DEPDC5: variants seen among roughly 807,000 people sequenced by gnomAD.
DEPDC5 encodes GATOR1 complex protein DEPDC5.
DEPDC5 carries 73 observed loss-of-function variants against 217.3 expected under a neutral mutation model. The ratio of observed to expected loss-of-function variants is 0.34; its 90% confidence interval spans 0.28 to 0.41. The LOEUF is 0.41. Ranked by LOEUF, DEPDC5 falls within the 10% of genes least tolerant of loss-of-function variation. The probability of loss-of-function intolerance (pLI) is 1.00; values close to 1 mark genes in which losing one functional copy is unlikely to be tolerated. For synonymous variants in DEPDC5, 733 were observed against 756.7 expected (o/e 0.97, Z 0.51); for missense variants, 1,675 against 2,070.1 (o/e 0.81, Z 3.70).
At chr22:31,764,689 T>G (rs769275608) in intron 4 of DEPDC5, among the ~76,000 whole-genome samples, 1 of 152,190 alleles carries the variant, frequency 6.6e-6, no homozygotes, top group Non-Finnish European at 1.5e-5. Flanking sequence ...GTGCTGAGAT[T>G]ACAGGTGTTA....
At chr22:31,793,213 A>C (rs991572473) in intron 12 of DEPDC5, among the ~76,000 whole-genome samples, 2 of 152,198 alleles carry the variant, frequency 1.3e-5, no homozygotes, top group East Asian at 3.8e-4. Flanking sequence ...TTCATAACCA[A>C]GTTACATTTG....
At chr22:31,854,958 G>GT (rs200660036) in intron 31 of DEPDC5, among the ~76,000 whole-genome samples, 2,540 of 139,978 alleles carry the variant, frequency 0.018, 19 homozygotes, top group Non-Finnish European at 0.024. Flanking sequence ...AGTCTTGCTG[G>GT]TTTTTTTTTT....
At chr22:31,843,419 T>C (rs1259806933) in intron 28 of DEPDC5, among the ~76,000 whole-genome samples, 1 of 152,192 alleles carries the variant, frequency 6.6e-6, no homozygotes, top group East Asian at 1.9e-4. Context: ...ATGTTTAGCA[T>C]GATTCATGAC....
At chr22:31,863,225 G>A (rs931469589) in intron 33 of DEPDC5, among the ~76,000 whole-genome samples, 1 of 152,164 alleles carries the variant, frequency 6.6e-6, no homozygotes, top group Non-Finnish European at 1.5e-5. Flanking sequence ...GGAGTGCAGT[G>A]GTTCAATGTC....
intron 38 of DEPDC5, chr22:31,891,238 G>T (rs914205744): frequency 1.7e-6 from 1 of 575,710 alleles, no homozygotes; most frequent in Non-Finnish European, 3.3e-6. Flanking sequence ...ACAATAACGT[G>T]TTCTAGTCCT....
At chr22:31,847,937 A>G (rs2091835207) in intron 31 of DEPDC5, among the ~76,000 whole-genome samples, 1 of 152,218 alleles carries the variant, frequency 6.6e-6, no homozygotes, top group African/African-American at 2.4e-5. Context: ...TACTTCCTTG[A>G]TACAATGGGG....
chr22:31,802,695 T>C lies in DEPDC5; in HGVS notation c.947-9T>C. 6.5e-7 allele frequency: 1 copy of C among 1,536,494 alleles called. No individual in the cohort carries two copies. The highest frequency in any genetic ancestry group is 8.8e-7 in the Non-Finnish European group (1 of 1,139,302). On this transcript the variant is annotated splice_polypyrimidine_tract_variant and intron_variant, in intron 14 of 42. Transcript: ENST00000651528. Reference sequence around the variant, plus strand: ...CATCATTATTGTGGAATTTTTGTTTTATTTCTAGTGTTTGATAAGCACTAC... The same window carrying C: ...CATCATTATTGTGGAATTTTTGTTTCATTTCTAGTGTTTGATAAGCACTAC...
chr22:31,758,157 T>G (rs2082091413), intron 2 of DEPDC5, among the ~76,000 whole-genome samples: 1 of 152,206 alleles, frequency 6.6e-6, no homozygotes, highest in Non-Finnish European at 1.5e-5. Context: ...GAACATTGAA[T>G]AACTGTAACG....
At chr22:31,800,793 A>G (rs948696099) in intron 14 of DEPDC5, among the ~76,000 whole-genome samples, 1 of 152,048 alleles carries the variant, frequency 6.6e-6, no homozygotes, top group African/African-American at 2.4e-5. Context: ...CCTGGGCAAC[A>G]TGGTGAAACC....
intron 3 of DEPDC5, among the ~76,000 whole-genome samples, 199 bp from the exon 4 acceptor site, chr22:31,760,457 G>A (rs747201292): frequency 2.0e-5 from 3 of 152,180 alleles, no homozygotes; most frequent in Admixed American, 2.0e-4. Context: ...ACCTGCCTCG[G>A]CCTCCCAAAG....
At chr22:31,818,464 C>T (rs1048747039) in intron 21 of DEPDC5, among the ~76,000 whole-genome samples, 2 of 152,120 alleles carry the variant, frequency 1.3e-5, no homozygotes, top group African/African-American at 4.8e-5. Flanking sequence ...TTGTGGAGAT[C>T]ATTGTGGTCC....
chr22:31,819,686 T>G (rs542112293), intron 22 of DEPDC5, among the ~76,000 whole-genome samples: 1 of 152,142 alleles, frequency 6.6e-6, no homozygotes, highest in East Asian at 1.9e-4. Context: ...CCTAGGCTGG[T>G]CTTGAACTCC....
At chr22:31,819,261 G>A (rs764181672) in intron 22 of DEPDC5, 36 bp downstream of exon 22, 21 of 1,610,352 alleles carry the variant, frequency 1.3e-5, no homozygotes, top group Non-Finnish European at 1.4e-5. Context: ...CTTGGACTAG[G>A]AGCTCCTAGC....
intron 30 of DEPDC5, 21 bp downstream of exon 30, chr22:31,845,258 G>A (rs772678548): frequency 1.2e-6 from 2 of 1,604,590 alleles, no homozygotes; most frequent in Non-Finnish European, 1.7e-6. Context: ...CTTAGACTCA[G>A]GGAGTGCGCC....
At chr22:31,762,328 C>T (rs1338003837) in intron 4 of DEPDC5, among the ~76,000 whole-genome samples, 1 of 152,234 alleles carries the variant, frequency 6.6e-6, no homozygotes, top group Non-Finnish European at 1.5e-5. Flanking sequence ...TTCCTGCTTA[C>T]TTATTCTGGA....
At chr22:31,796,681 G>C (rs1009950040) in intron 12 of DEPDC5, among the ~76,000 whole-genome samples, 1 of 151,492 alleles carries the variant, frequency 6.6e-6, no homozygotes, top group Non-Finnish European at 1.5e-5. Flanking sequence ...CAATTTCTGT[G>C]TTCTCACCAA....
chr22:31,812,267 C>T (rs1602068700), intron 20 of DEPDC5, among the ~76,000 whole-genome samples: 2 of 152,004 alleles, frequency 1.3e-5, no homozygotes, highest in East Asian at 1.9e-4. Context: ...GCTGGGGTTA[C>T]AGAATGAGCC....
chr22:31,895,931 TACCAGCATG>T (rs1286668043), intron 39 of DEPDC5, among the ~76,000 whole-genome samples: 1 of 151,842 alleles, frequency 6.6e-6, no homozygotes, highest in Non-Finnish European at 1.5e-5. Context: ...AGCTCACTGA[TACCAGCATG>T]ACCACTTCTT....
intron 10 of DEPDC5, among the ~76,000 whole-genome samples, chr22:31,791,417 A>G (rs1380055591): frequency 6.6e-6 from 1 of 151,784 alleles, no homozygotes; most frequent in Non-Finnish European, 1.5e-5. Context: ...CAAGCAGATC[A>G]CTTGAGGCCA....
Sources: gnomAD v4.1 joint callset for allele counts (sites outside exome capture counted in the v4.1 genomes callset) on GRCh38, gnomAD v4.1.1 for gene constraint, MANE v1.5 for transcripts, NCBI Gene and HGNC (gene_info 2026-07-23, HGNC 2026-07-21) for gene names.